The following CLIP2 variants were observed in gnomAD, a reference collection of about 807,000 sequenced individuals.
CLIP2 encodes the protein CAP-Gly domain containing linker protein 2, also known as CAP-Gly domain-containing linker protein 2.
In CLIP2, 41 loss-of-function variants were observed where a neutral mutation model predicts 111.7. That is an observed-to-expected ratio of 0.37 (90% CI 0.29 to 0.48). CLIP2 has a LOEUF of 0.48. Ranked by LOEUF, CLIP2 falls within the 20% of genes least tolerant of loss-of-function variation. CLIP2 has a pLI of 0.99. For synonymous variants in CLIP2, 660 were observed against 644.2 expected (o/e 1.02, Z -0.37); for missense variants, 1,160 against 1,422.1 (o/e 0.82, Z 2.96).
At chr7:74,365,040 TG>T (rs1790441313) in intron 8 of CLIP2, among the ~76,000 whole-genome samples, 2 of 143,084 alleles carry the variant, frequency 1.4e-5, no homozygotes, top group Non-Finnish European at 3.1e-5. Context: ...TGTGTGTGTG[TG>T]TGTGTGTGTG....
Position 74,401,504 on chromosome 7 carries a change from G to C in CLIP2, c.3067-1G>C. On this transcript the variant is annotated splice_acceptor_variant, in intron 15 of 16. Coordinates refer to ENST00000223398, the MANE Select transcript of CLIP2 (RefSeq NM_003388.5). LOFTEE classifies it high-confidence loss of function. ...CTCAGTGTCTCCCCTAACTCTTCCAGACCATCGGCAATTCCGGTTCTGCAA... is the reference window on the plus strand; with the variant it reads ...CTCAGTGTCTCCCCTAACTCTTCCACACCATCGGCAATTCCGGTTCTGCAA... 6.2e-7 allele frequency: 1 copy of C among 1,614,052 alleles called. No individual in the cohort carries two copies. The highest frequency in any genetic ancestry group is 8.5e-7 in the Non-Finnish European group (1 of 1,179,988).
At chr7:74,297,759 G>C (rs1788214491) in intron 1 of CLIP2, among the ~76,000 whole-genome samples, 1 of 152,032 alleles carries the variant, frequency 6.6e-6, no homozygotes. Flanking sequence ...TGTGAACAAG[G>C]CACTGTAAGA....
chr7:74,298,143 G>A (rs143607531), intron 1 of CLIP2, among the ~76,000 whole-genome samples: 1,534 of 151,850 alleles, frequency 0.01, 30 homozygotes, highest in African/African-American at 0.035. Context: ...CTAGGAGTTC[G>A]AGACCAACCT....
chr7:74,303,978 A>C (rs1385453472), intron 1 of CLIP2, among the ~76,000 whole-genome samples: 1 of 151,640 alleles, frequency 6.6e-6, no homozygotes, highest in Non-Finnish European at 1.5e-5. Flanking sequence ...AGGATCACAG[A>C]TCACAGCTCA....
chr7:74,402,561 G>A (rs535121023), intron 16 of CLIP2, among the ~76,000 whole-genome samples: 32 of 152,026 alleles, frequency 2.1e-4, no homozygotes, highest in African/African-American at 6.3e-4. Flanking sequence ...GTGTGGTGGC[G>A]CATGCCTGTA....
Position 74,389,196 on chromosome 7 carries a change from G to A in CLIP2, c.2657G>A (p.Arg886Gln), listed in dbSNP as rs141986767. The change falls in exon 13 of 17, where the codon CGG (arginine) becomes CAG (glutamine). Residue 886 changes from arginine (R) to glutamine (Q), a missense_variant. Physicochemically the swap from Arg to Gln is conservative, Grantham distance 43. Coordinates refer to ENST00000223398, the MANE Select transcript of CLIP2 (RefSeq NM_003388.5). ...RLEAELETVS[R>Q]KTHDASGQLV... ...GAGGCAGAGCTGGAGACCGTGTCCC[G>A]GAAGACCCATGACGCCTCGGGCCAG... The A allele has an allele frequency of 1.8e-3, 2,887 of 1,613,274 alleles. 15 individuals are homozygous for A. The highest frequency in any genetic ancestry group is 1.7e-3 in the Non-Finnish European group (2,045 of 1,179,734).
chr7:74,401,639 T>C, intron 16 of CLIP2, 72 bp downstream of exon 16: 2 of 1,435,416 alleles, frequency 1.4e-6, no homozygotes, highest in South Asian at 2.4e-5. Flanking sequence ...CCTTGAAACG[T>C]CACTAAGAAT....
chr7:74,360,113 C>A, intron 6 of CLIP2, 62 bp from the exon 7 acceptor site: 1 of 1,402,512 alleles, frequency 7.1e-7, no homozygotes, highest in Non-Finnish European at 9.7e-7. Flanking sequence ...CACCACACCA[C>A]CAACCTGGAC....
At chr7:74,330,830 C>A (rs1445207226) in intron 2 of CLIP2, among the ~76,000 whole-genome samples, 2 of 151,964 alleles carry the variant, frequency 1.3e-5, no homozygotes, top group Non-Finnish European at 1.5e-5. Context: ...AATAGTGAGT[C>A]AGTTTTTCCT....
At position 74,376,909 on chromosome 7, in the gene CLIP2, A is replaced by G; in HGVS notation, c.2421+87A>G. The stretch of plus-strand genomic sequence containing the variant: ...CTGACCTCTGTTCTGCAGCCCAGGA[A>G]GCATTTCCCTTGTCCCCGAGAGCAT... On this transcript the variant is annotated intron_variant, in intron 10 of 16. Transcript: ENST00000223398. This position sits in a 1 kb window ranked among gnomAD's most constrained non-coding sequence, Gnocchi z 7.1. The G allele has an allele frequency of 7.8e-7, 1 of 1,289,110 alleles. No homozygotes were observed. Among genetic ancestry groups the G allele is most frequent in the Non-Finnish European group, 1.0e-6 (1 of 961,672 alleles). The allele number at this position is 1,289,110 out of a possible 1,614,324, so 79.9% of individuals were successfully genotyped here.
chr7:74,298,862 T>G (rs1177323993), intron 1 of CLIP2, among the ~76,000 whole-genome samples: 1 of 152,036 alleles, frequency 6.6e-6, no homozygotes, highest in Admixed American at 6.6e-5. Context: ...AAAAAACGTT[T>G]AAGTAAAAAA....
At chr7:74,365,546 C>T (rs1554310675) in intron 8 of CLIP2, among the ~76,000 whole-genome samples, 1 of 152,216 alleles carries the variant, frequency 6.6e-6, no homozygotes, top group African/African-American at 2.4e-5. Flanking sequence ...AGCCAATGGG[C>T]TGGCTGGCTC....
At chr7:74,342,409 G>A (rs1445662407) in intron 3 of CLIP2, among the ~76,000 whole-genome samples, 1 of 151,688 alleles carries the variant, frequency 6.6e-6, no homozygotes, top group Non-Finnish European at 1.5e-5. Flanking sequence ...ACTGAAAAGA[G>A]CAGGGAGGCT....
At chr7:74,387,674 A>G (rs1279384405) in intron 12 of CLIP2, among the ~76,000 whole-genome samples, 3 of 152,206 alleles carry the variant, frequency 2.0e-5, no homozygotes, top group East Asian at 1.9e-4. Flanking sequence ...ATTGGCCCCA[A>G]AAAAGGTCAG....
chr7:74,338,450 T>C lies in CLIP2; in HGVS notation c.124T>C (p.Ser42Pro). ...CCTTTCCCTCTCCTTCTCTGCAGGC[T>C]CCCCACTGCACAAACAGTCATCTGG... The part of the protein sequence containing the change: ...AAVAASSKEG[S>P]PLHKQSSGPS... The change falls in exon 3 of 17, where the codon TCC (serine) becomes CCC (proline). Residue 42 changes from serine (S) to proline (P), a missense_variant and splice_region_variant. This residue lies in a region of CLIP2 where 301 missense variants were observed against 315.2 expected (regional missense o/e 0.96). Transcript: ENST00000223398. This position sits in a 1 kb window ranked among gnomAD's most constrained non-coding sequence, Gnocchi z 4.3. The C allele has an allele frequency of 6.2e-7, 1 of 1,612,250 alleles. No homozygotes were observed. Among genetic ancestry groups the C allele is most frequent in the Non-Finnish European group, 8.5e-7 (1 of 1,179,636 alleles).
intron 8 of CLIP2, among the ~76,000 whole-genome samples, chr7:74,365,965 C>G (rs977659363): frequency 1.3e-5 from 2 of 151,942 alleles, no homozygotes; most frequent in East Asian, 1.9e-4. Flanking sequence ...CTATGTTGCC[C>G]AGGCAGGGTC....
At chr7:74,329,769 T>C (rs1291786774) in intron 2 of CLIP2, among the ~76,000 whole-genome samples, 2 of 95,948 alleles carry the variant, frequency 2.1e-5, no homozygotes, top group African/African-American at 5.9e-5. Flanking sequence ...GTTATTTTAT[T>C]TATCTATTTA....
At chr7:74,307,489 T>C (rs868964702) in intron 1 of CLIP2, among the ~76,000 whole-genome samples, 1 of 152,080 alleles carries the variant, frequency 6.6e-6, no homozygotes, top group Non-Finnish European at 1.5e-5. Flanking sequence ...TAGGTTCGTT[T>C]TTTTGTTTTT....
intron 3 of CLIP2, among the ~76,000 whole-genome samples, chr7:74,342,218 A>C (rs1789674821): frequency 6.6e-6 from 1 of 152,028 alleles, no homozygotes; most frequent in Non-Finnish European, 1.5e-5. Context: ...TCTACTAAAA[A>C]TACAAAAATT....
Sources: gnomAD v4.1 joint callset for allele counts (sites outside exome capture counted in the v4.1 genomes callset) on GRCh38, gnomAD v4.1.1 for gene constraint, gnomAD v4.1.1 regional missense constraint, Gnocchi (gnomAD v3.1) non-coding constraint, MANE v1.5 for transcripts, NCBI Gene and HGNC (gene_info 2026-07-23, HGNC 2026-07-21) for gene names.